The following NDST3 variants were observed in gnomAD, a reference collection of about 807,000 sequenced individuals.
NDST3 encodes the protein bifunctional heparan sulfate N-deacetylase/N-sulfotransferase 3.
A neutral mutation model predicts 96.1 loss-of-function variants in NDST3; 58 were observed. That is an observed-to-expected ratio of 0.60 (90% CI 0.49 to 0.75). The LOEUF is 0.75. NDST3 is among the 30% of genes least tolerant of loss of function. NDST3 has a pLI of 0.00. For synonymous variants in NDST3, 333 were observed against 359.7 expected (o/e 0.93, Z 0.84); for missense variants, 788 against 1,034.2 (o/e 0.76, Z 3.27).
At chr4:118,198,711 C>T (rs1440021040) in intron 6 of NDST3, among the ~76,000 whole-genome samples, 1 of 128,618 alleles carries the variant, frequency 7.8e-6, no homozygotes, top group Admixed American at 7.0e-5. Flanking sequence ...TAAAGTACTC[C>T]CTTTAGCATT....
intron 6 of NDST3, among the ~76,000 whole-genome samples, chr4:118,172,990 C>T (rs546182141): frequency 1.1e-4 from 17 of 152,040 alleles, no homozygotes; most frequent in African/African-American, 3.6e-4. Flanking sequence ...GTATGGATTG[C>T]AGACAAGAAC....
intron 6 of NDST3, among the ~76,000 whole-genome samples, chr4:118,182,934 T>C (rs749121482): frequency 2.6e-5 from 4 of 151,138 alleles, no homozygotes; most frequent in African/African-American, 9.9e-5. Flanking sequence ...CTGTTTATGA[T>C]AAACAATACA....
At chr4:118,137,959 AATAT>A (rs1733253077) in intron 4 of NDST3, 91 bp from the exon 5 acceptor site, 3 of 1,041,932 alleles carry the variant, frequency 2.9e-6, no homozygotes, top group Non-Finnish European at 4.1e-6. Flanking sequence ...GATGCATTTA[AATAT>A]ATATATTTAC....
chr4:118,191,085 T>TA (rs1350378101), intron 6 of NDST3, among the ~76,000 whole-genome samples: 1 of 152,196 alleles, frequency 6.6e-6, no homozygotes, highest in Non-Finnish European at 1.5e-5. Context: ...AAGCCATTGT[T>TA]AACTAGGCAA....
intron 4 of NDST3, among the ~76,000 whole-genome samples, chr4:118,116,586 AGT>A (rs1731141090): frequency 6.6e-6 from 1 of 152,198 alleles, no homozygotes; most frequent in African/African-American, 2.4e-5. Context: ...GGCTGGGTGC[AGT>A]GGCTCATGCC....
chr4:118,165,389 T>C (rs2125930611), intron 6 of NDST3, among the ~76,000 whole-genome samples: 1 of 151,968 alleles, frequency 6.6e-6, no homozygotes. Flanking sequence ...CAATTATAAA[T>C]ATAAACGCAT....
intron 6 of NDST3, among the ~76,000 whole-genome samples, chr4:118,178,690 TA>T (rs2125947132): frequency 6.6e-6 from 1 of 152,176 alleles, no homozygotes; most frequent in Admixed American, 6.6e-5. Context: ...TTGTTTTAGG[TA>T]TATACCCAGA....
At chr4:118,156,180 T>C (rs1231388409) in intron 6 of NDST3, among the ~76,000 whole-genome samples, 2 of 152,156 alleles carry the variant, frequency 1.3e-5, no homozygotes, top group Non-Finnish European at 2.9e-5. Flanking sequence ...ACAGAATAAT[T>C]CATAGTACCT....
intron 2 of NDST3, among the ~76,000 whole-genome samples, chr4:118,101,232 CA>C (rs1245768751): frequency 6.6e-6 from 1 of 151,670 alleles, no homozygotes; most frequent in Admixed American, 6.6e-5. Flanking sequence ...ATTCTGCTAA[CA>C]AAAGTTAGAG....
At chr4:118,228,834 T>A (rs1740081546) in intron 8 of NDST3, among the ~76,000 whole-genome samples, 2 of 152,206 alleles carry the variant, frequency 1.3e-5, no homozygotes, top group South Asian at 2.1e-4. Context: ...AATGGAAGCA[T>A]GTATTCCGTG....
intron 6 of NDST3, among the ~76,000 whole-genome samples, chr4:118,153,489 G>A (rs775296597): frequency 5.9e-5 from 9 of 152,060 alleles, no homozygotes; most frequent in African/African-American, 1.9e-4. Context: ...AATAAAATAC[G>A]CTATATAATA....
intron 4 of NDST3, among the ~76,000 whole-genome samples, chr4:118,122,557 T>G (rs1731691705): frequency 1.3e-5 from 2 of 152,142 alleles, no homozygotes; most frequent in South Asian, 2.1e-4. Context: ...CTTCCAAATT[T>G]TCAGCCCACA....
At chr4:118,166,319 T>A (rs1735549719) in intron 6 of NDST3, among the ~76,000 whole-genome samples, 1 of 151,844 alleles carries the variant, frequency 6.6e-6, no homozygotes, top group South Asian at 2.1e-4. Flanking sequence ...ATGGATATAT[T>A]TCTAAACACA....
intron 1 of NDST3, among the ~76,000 whole-genome samples, chr4:118,036,350 A>G (rs1291691827): frequency 1.3e-5 from 2 of 152,224 alleles, no homozygotes; most frequent in African/African-American, 4.8e-5. Context: ...TGATTTATAT[A>G]CACTATAAAA....
chr4:118,130,415 CT>C (rs779381509), intron 4 of NDST3, among the ~76,000 whole-genome samples: 19 of 152,104 alleles, frequency 1.2e-4, no homozygotes, highest in Non-Finnish European at 2.2e-4. Context: ...CTGAAGACAA[CT>C]TAACACTGAT....
rs116126517 is a variant in NDST3 at position 118,190,670 on chromosome 4, G to C, written c.1540-33821G>C. Among the ~76,000 whole-genome samples the C allele has an allele frequency of 4.1e-3, 618 of 152,220 alleles. 6 individuals carry two copies. Among genetic ancestry groups the C allele is most frequent in the African/African-American group, 0.014 (597 of 41,528 alleles). On this transcript the variant is annotated intron_variant, in intron 6 of 13. Coordinates refer to ENST00000296499, the MANE Select transcript of NDST3 (RefSeq NM_004784.3). ...ATCTAACCACTCCCGAAGTAACCAG[G>C]AGGCAAAGCTGGGGCAGGGAAGAAA...
At chr4:118,250,771 A>C (rs1260897663) in intron 12 of NDST3, among the ~76,000 whole-genome samples, 1 of 152,086 alleles carries the variant, frequency 6.6e-6, no homozygotes, top group Non-Finnish European at 1.5e-5. Flanking sequence ...GGCGTCAGCC[A>C]TTGCACCCAG....
intron 6 of NDST3, among the ~76,000 whole-genome samples, chr4:118,208,637 G>A (rs1327903187): frequency 6.9e-6 from 1 of 144,110 alleles, no homozygotes; most frequent in Admixed American, 6.9e-5. Flanking sequence ...GTTCATGGGT[G>A]ACTTTGTTAA....
chr4:118,041,256 T>A (rs1417775570), intron 1 of NDST3, among the ~76,000 whole-genome samples: 1 of 152,162 alleles, frequency 6.6e-6, no homozygotes, highest in Non-Finnish European at 1.5e-5. Context: ...CAGTTCTACC[T>A]CTACTAGCTG....
Sources: allele counts gnomAD v4.1 joint callset (sites outside exome capture counted in the v4.1 genomes callset), GRCh38; gene constraint gnomAD v4.1.1; transcripts MANE v1.5; gene names NCBI Gene and HGNC (gene_info 2026-07-23, HGNC 2026-07-21).